Variants in EYS observed in about 807,000 individuals in gnomAD.
The protein encoded by EYS is EGF-like photoreceptor maintenance factor, also known as protein eyes shut homolog.
A neutral mutation model predicts 282.1 loss-of-function variants in EYS; 250 were observed. The ratio of observed to expected loss-of-function variants is 0.89; its 90% CI spans 0.80 to 0.98. The LOEUF (loss-of-function observed/expected upper bound fraction) is 0.98. Among genes scored for constraint, EYS ranks in the 50% least tolerant of loss-of-function variants. The pLI is 0.00. For missense variants in EYS, 4,016 were observed against 3,709.0 expected (o/e 1.08, Z -2.15); for synonymous variants, 1,355 against 1,282.9 (o/e 1.06, Z -1.20).
chr6:65,155,626 G>A (rs1764713340), intron 12 of EYS, among the ~76,000 whole-genome samples: 1 of 151,422 alleles, frequency 6.6e-6, no homozygotes, highest in Non-Finnish European at 1.5e-5. Context: ...TTGATTAACT[G>A]TCCTCATTTT....
chr6:64,989,799 T>TACACACACACAC (rs3033931), intron 14 of EYS, among the ~76,000 whole-genome samples: 1 of 140,150 alleles, frequency 7.1e-6, no homozygotes, highest in African/African-American at 2.6e-5. Flanking sequence ...TATATATTCA[T>TACACACACACAC]ACACACACAC....
intron 35 of EYS, among the ~76,000 whole-genome samples, chr6:63,871,248 T>C (rs969812755): frequency 2.0e-5 from 3 of 152,196 alleles, no homozygotes; most frequent in African/African-American, 7.2e-5. Flanking sequence ...TTTAACTTAT[T>C]GGCAATAGAC....
chr6:65,645,356 A>C (rs531495890), intron 1 of EYS, among the ~76,000 whole-genome samples: 13 of 152,316 alleles, frequency 8.5e-5, no homozygotes, highest in African/African-American at 2.9e-4. Context: ...CAGTGGAATA[A>C]AACTAGAAAT....
At chr6:65,515,679 ACTATCG>A (rs1438336161) in intron 2 of EYS, among the ~76,000 whole-genome samples, 1 of 151,282 alleles carries the variant, frequency 6.6e-6, no homozygotes, top group Non-Finnish European at 1.5e-5. Context: ...TTCTCAGTAA[ACTATCG>A]CAAGGACAAA....
intron 31 of EYS, among the ~76,000 whole-genome samples, chr6:64,128,622 T>G (rs1283092380): frequency 6.6e-6 from 1 of 152,214 alleles, no homozygotes; most frequent in African/African-American, 2.4e-5. Context: ...TTCTAAGTTC[T>G]ATAACAGAAC....
chr6:64,570,553 A>G (rs2149816924), intron 26 of EYS, among the ~76,000 whole-genome samples: 1 of 152,270 alleles, frequency 6.6e-6, no homozygotes, highest in African/African-American at 2.4e-5. Flanking sequence ...GAACTGTCTC[A>G]CGTGTATAGG....
chr6:65,164,270 C>A (rs532863603), intron 12 of EYS, among the ~76,000 whole-genome samples: 1 of 151,134 alleles, frequency 6.6e-6, no homozygotes, highest in East Asian at 2.0e-4. Context: ...GGAAATCATG[C>A]GTATGTTATA....
chr6:64,897,014 C>T (rs1212009655), intron 18 of EYS, among the ~76,000 whole-genome samples: 1 of 152,162 alleles, frequency 6.6e-6, no homozygotes, highest in Non-Finnish European at 1.5e-5. Flanking sequence ...AGGGAAGGGG[C>T]GGCTGTTGGC....
At chr6:65,102,437 C>G (rs1774920739) in intron 12 of EYS, among the ~76,000 whole-genome samples, 1 of 151,082 alleles carries the variant, frequency 6.6e-6, no homozygotes, top group Admixed American at 6.6e-5. Context: ...ACCCAGTATT[C>G]ATTTCATTTT....
chr6:64,585,126 T>C (rs1766194041), intron 26 of EYS, among the ~76,000 whole-genome samples: 1 of 152,096 alleles, frequency 6.6e-6, no homozygotes, highest in African/African-American at 2.4e-5. Context: ...CATCATTGAA[T>C]ACTACACAGC....
intron 5 of EYS, among the ~76,000 whole-genome samples, chr6:65,443,169 C>T (rs1306145830): frequency 6.9e-6 from 1 of 144,374 alleles, no homozygotes; most frequent in Non-Finnish European, 1.6e-5. Context: ...TATATGAGCA[C>T]ATATGTGCAC....
intron 8 of EYS, among the ~76,000 whole-genome samples, chr6:65,377,366 G>C (rs1456342028): frequency 6.6e-6 from 1 of 152,052 alleles, no homozygotes; most frequent in Non-Finnish European, 1.5e-5. Context: ...CTGGGAGAGA[G>C]CTAAAGCACT....
At chr6:65,615,244 G>C (rs1766143771) in intron 2 of EYS, among the ~76,000 whole-genome samples, 1 of 151,864 alleles carries the variant, frequency 6.6e-6, no homozygotes, top group African/African-American at 2.4e-5. Flanking sequence ...CAAAGTTTAG[G>C]GTACTTTGCA....
At chr6:65,137,129 C>T (rs1370166291) in intron 12 of EYS, among the ~76,000 whole-genome samples, 2 of 152,028 alleles carry the variant, frequency 1.3e-5, no homozygotes, top group Non-Finnish European at 2.9e-5. Flanking sequence ...AGAAAGTAAA[C>T]ATCCAGCAAA....
chr6:63,840,067 A>G (rs976406666), intron 36 of EYS, among the ~76,000 whole-genome samples: 14 of 118,348 alleles, frequency 1.2e-4, no homozygotes, highest in Admixed American at 4.5e-4. Context: ...TTTTTTTTTG[A>G]GACGGAGTCT....
intron 21 of EYS, among the ~76,000 whole-genome samples, chr6:64,816,246 G>A (rs552022131): frequency 5.9e-5 from 9 of 152,032 alleles, no homozygotes; most frequent in Non-Finnish European, 1.0e-4. Flanking sequence ...ACAGAATTCC[G>A]TGAACTTTGT....
At chr6:64,776,032 C>T (rs1358469843) in intron 22 of EYS, among the ~76,000 whole-genome samples, 1 of 151,974 alleles carries the variant, frequency 6.6e-6, no homozygotes, top group African/African-American at 2.4e-5. Flanking sequence ...TACAGGATTG[C>T]TGATGTCTAT....
At chr6:64,458,140 T>C (rs1775623780) in intron 26 of EYS, among the ~76,000 whole-genome samples, 1 of 152,096 alleles carries the variant, frequency 6.6e-6, no homozygotes, top group South Asian at 2.1e-4. Flanking sequence ...ACATATACCT[T>C]CAGAAATTAT....
At chr6:63,731,082 CAT>C (rs774631997) in intron 41 of EYS, among the ~76,000 whole-genome samples, 7 of 152,142 alleles carry the variant, frequency 4.6e-5, no homozygotes, top group Non-Finnish European at 7.3e-5. Flanking sequence ...TCGTTTTAAA[CAT>C]GTGAGAAATG....
Sources: allele counts gnomAD v4.1 joint callset (sites outside exome capture counted in the v4.1 genomes callset), GRCh38; gene constraint gnomAD v4.1.1; transcripts MANE v1.5; gene names NCBI Gene and HGNC (gene_info 2026-07-23, HGNC 2026-07-21).